The following BMP1 variants were observed in gnomAD, a reference collection of about 807,000 sequenced individuals.
BMP1 encodes the protein bone morphogenetic protein 1.
Under a neutral mutation model 116.8 loss-of-function variants are expected in BMP1, and 63 were observed. The observed-to-expected ratio is 0.54, with a 90% confidence interval of 0.44 to 0.67. The LOEUF (loss-of-function observed/expected upper bound fraction) is 0.67. BMP1 is among the 30% of genes least tolerant of loss of function. BMP1 has a pLI of 0.00. For synonymous variants in BMP1, 536 were observed against 533.4 expected (o/e 1.00, Z -0.07); for missense variants, 1,183 against 1,358.9 (o/e 0.87, Z 2.04).
chr8:22,210,468 T>TCTCACACA (rs10664439), intron 19 of BMP1, among the ~76,000 whole-genome samples: 7 of 135,568 alleles, frequency 5.2e-5, no homozygotes, highest in African/African-American at 1.8e-4. Flanking sequence ...TCTCTCTCTC[T>TCTCACACA]CACACACATA....
At chr8:22,207,144 G>A (rs757154361) in intron 17 of BMP1, among the ~76,000 whole-genome samples, 159 bp from the exon 18 acceptor site, 29 of 152,224 alleles carry the variant, frequency 1.9e-4, no homozygotes, top group Non-Finnish European at 2.6e-4. Context: ...AATTAGGGGC[G>A]TCCCTGCCTT....
intron 9 of BMP1, among the ~76,000 whole-genome samples, chr8:22,193,510 A>AC (rs1338771826): frequency 6.6e-6 from 1 of 152,258 alleles, no homozygotes; most frequent in Non-Finnish European, 1.5e-5. Context: ...TTGGCCAGGC[A>AC]CGGTGGCTCA....
In BMP1 at chr8:22,197,466, A is replaced by G. The variant is rs1191258586; in HGVS notation, c.2107+46A>G. 5 of 1,562,418 alleles carry G rather than the reference A, an allele frequency of 3.2e-6. No individual in the cohort carries two copies. In the Admixed American group the frequency reaches 8.6e-5, roughly 27 times the overall value. On this transcript the variant is annotated intron_variant, in intron 15 of 19. Transcript: ENST00000306385. ...TCCTAGCCCCACCTCTCCTCGGAGA[A>G]CAGGGCTCCCTTTCTCCCTGCCCCT...
intron 8 of BMP1, among the ~76,000 whole-genome samples, chr8:22,182,798 G>A (rs1429147915): frequency 6.6e-6 from 1 of 152,122 alleles, no homozygotes; most frequent in Non-Finnish European, 1.5e-5. Context: ...TTTGAAGATT[G>A]GGAAAGCTTT....
chr8:22,209,454 G>T lies in BMP1; in HGVS notation c.2585G>T (p.Gly862Val). 1 of 1,614,172 alleles carries T rather than the reference G, an allele frequency of 6.2e-7. No individual in the cohort carries two copies. The highest frequency in any genetic ancestry group is 8.5e-7 in the Non-Finnish European group (1 of 1,180,018). The change falls in exon 19 of 20, where the codon GGC becomes GTC. Residue 862 changes from glycine to valine, a missense_variant. Physicochemically the swap from Gly to Val is moderately radical, Grantham distance 109 (BLOSUM62 -3). Coordinates refer to ENST00000306385, the MANE Select transcript of BMP1 (RefSeq NM_006129.5). ...FQASHATECG[G>V]QVRADVKTKD... ...CTCTTGTCCCCTACAGAGTGCGGGG[G>T]CCAGGTACGGGCAGACGTGAAGACC...
chr8:22,189,235 T>G (rs73225848), intron 8 of BMP1, among the ~76,000 whole-genome samples: 7,267 of 152,136 alleles, frequency 0.048, 278 homozygotes, highest in Admixed American at 0.093. Flanking sequence ...TATATATGTA[T>G]GTATATATAT....
At chr8:22,177,998 C>T in intron 6 of BMP1, 41 bp downstream of exon 6, 1 of 1,457,426 alleles carries the variant, frequency 6.9e-7, no homozygotes, top group Non-Finnish European at 9.5e-7. Context: ...CTCGGGCAGC[C>T]CCACCCTGCC....
chr8:22,198,887 C>T, intron 15 of BMP1: 2 of 1,125,572 alleles, frequency 1.8e-6, no homozygotes, highest in Non-Finnish European at 2.2e-6. Flanking sequence ...TTCTTCCTTC[C>T]CTGTGCCCAC....
chr8:22,168,856 T>C (rs1489068881), intron 1 of BMP1, among the ~76,000 whole-genome samples: 2 of 151,024 alleles, frequency 1.3e-5, no homozygotes, highest in East Asian at 3.9e-4. Flanking sequence ...GGCAGTGGGG[T>C]TCCCCAGGAA....
chr8:22,209,753 C>T, intron 19 of BMP1, 58 bp downstream of exon 19: 1 of 1,568,684 alleles, frequency 6.4e-7, no homozygotes, highest in Non-Finnish European at 8.7e-7. Flanking sequence ...CACTGTCCTC[C>T]ACCCTTCTCA....
Position 22,207,399 on chromosome 8 carries a change from C to G in BMP1, c.2458C>G (p.Arg820Gly). Residue 820 changes from arginine to glycine, a missense_variant, in exon 18 of 20, where the codon CGC becomes GGC. This residue lies in a region of BMP1 where 956 missense variants were observed against 1,135.2 expected (regional missense o/e 0.84). Coordinates refer to ENST00000306385, the MANE Select transcript of BMP1 (RefSeq NM_006129.5). ...GRDAKAPVLGRFCGSKKPEPV... is the reference protein window; with the variant it reads ...GRDAKAPVLGGFCGSKKPEPV... The stretch of plus-strand genomic sequence containing the variant: ...AGACGCCAAGGCCCCCGTCCTCGGC[C>G]GCTTCTGTGGGAGCAAGAAGCCCGA... 1 of 1,614,200 alleles carries G rather than the reference C, an allele frequency of 6.2e-7. No individual in the cohort carries two copies. Among genetic ancestry groups the G allele is most frequent in the Non-Finnish European group, 8.5e-7 (1 of 1,180,042 alleles).
chr8:22,173,857 C>T (rs1233686442), intron 2 of BMP1, 142 bp downstream of exon 2: 5 of 546,852 alleles, frequency 9.1e-6, no homozygotes, highest in Admixed American at 3.6e-5. Context: ...TATCTTCCCT[C>T]GGGATATCTT....
chr8:22,209,933 C>T (rs562618265), intron 19 of BMP1, among the ~76,000 whole-genome samples: 11 of 152,374 alleles, frequency 7.2e-5, no homozygotes, highest in South Asian at 2.1e-4. Flanking sequence ...GAAGTTCCTG[C>T]GGCCTCTGAC....
intron 15 of BMP1, 87 bp from the exon 16 acceptor site, chr8:22,201,700 TGTCCCGGTGGGAGAAA>T: frequency 6.5e-7 from 1 of 1,540,922 alleles, no homozygotes; most frequent in East Asian, 2.4e-5. Context: ...GCTGTTGCTC[TGTCCCGGTGGGAGAAA>T]GTCCAGCCAG....
chr8:22,194,431 CTG>C lies in BMP1; in HGVS notation c.1298-10_1298-9del. The C allele has an allele frequency of 6.2e-7, 1 of 1,613,906 alleles. No individual in the cohort carries two copies. Among genetic ancestry groups the C allele is most frequent in the Non-Finnish European group, 8.5e-7 (1 of 1,179,882 alleles). On this transcript the variant is annotated splice_polypyrimidine_tract_variant and intron_variant, in intron 10 of 19. Transcript: ENST00000306385. The surrounding 1 kb of genome is among the most constrained non-coding windows in gnomAD (Gnocchi z 4.5). Reference sequence around the variant, plus strand: ...ACTCACCACCCCTTCCCACCCCATCCTGTGTCCCCACAGCCATCTGCGGGGGT... The same window carrying C: ...ACTCACCACCCCTTCCCACCCCATCCTGTCCCCACAGCCATCTGCGGGGGT...
At chr8:22,198,869 A>C in intron 15 of BMP1, 37 of 962,446 alleles carry the variant, frequency 3.8e-5, no homozygotes, top group Middle Eastern at 3.0e-4. Flanking sequence ...TCCCCATGCC[A>C]GGCCAATTTC....
Position 22,211,902 on chromosome 8 carries a change from A to G in BMP1, c.*174A>G. The G allele has an allele frequency of 1.1e-6, 1 of 947,576 alleles. No homozygotes were observed. Among genetic ancestry groups the G allele is most frequent in the African/African-American group, 1.6e-5 (1 of 60,734 alleles). 58.7% of individuals were successfully genotyped at this position (947,576 alleles called of 1,614,324 possible). ...AGGTGGGGGAACTGGACTCCGGCAT[A>G]AGCCACTTCCCCACAAACCCCCACC... On this transcript the variant is annotated 3_prime_UTR_variant, in exon 20 of 20. Transcript: ENST00000306385.
At chr8:22,183,039 A>T (rs1288768384) in intron 8 of BMP1, among the ~76,000 whole-genome samples, 1 of 152,242 alleles carries the variant, frequency 6.6e-6, no homozygotes, top group Non-Finnish European at 1.5e-5. Flanking sequence ...AGAGTTGAGT[A>T]ATTCTGGCTT....
chr8:22,185,410 C>T (rs1374657638), intron 8 of BMP1, among the ~76,000 whole-genome samples: 2 of 151,594 alleles, frequency 1.3e-5, no homozygotes, highest in South Asian at 2.1e-4. Flanking sequence ...GAGCCAAGAT[C>T]GTGCCACTGC....
Sources: gnomAD v4.1 joint callset for allele counts (sites outside exome capture counted in the v4.1 genomes callset) on GRCh38, gnomAD v4.1.1 for gene constraint, gnomAD v4.1.1 regional missense constraint, Gnocchi (gnomAD v3.1) non-coding constraint, MANE v1.5 for transcripts, NCBI Gene and HGNC (gene_info 2026-07-23, HGNC 2026-07-21) for gene names.